Variants in AGO1 observed in about 807,000 individuals in gnomAD.
The protein encoded by AGO1 is protein argonaute-1.
Under a neutral mutation model 109.2 loss-of-function variants are expected in AGO1, and 11 were observed. That is an observed-to-expected ratio of 0.10 (90% CI 0.06 to 0.17). The LOEUF is 0.17. AGO1 is among the 10% of genes least tolerant of loss of function. The probability of loss-of-function intolerance (pLI) is 1.00; values close to 1 mark genes in which losing one functional copy is unlikely to be tolerated. For missense variants in AGO1, 574 were observed against 1,140.3 expected (o/e 0.50, Z 7.15); for synonymous variants, 422 against 418.6 (o/e 1.01, Z -0.10).
chr1:35,912,719 A>T (rs1005597161), intron 12 of AGO1, among the ~76,000 whole-genome samples: 1 of 150,810 alleles, frequency 6.6e-6, no homozygotes, highest in Admixed American at 6.6e-5. Context: ...GATTACAGGC[A>T]CATGCCACCA....
intron 12 of AGO1, among the ~76,000 whole-genome samples, chr1:35,911,062 T>A (rs1304790018): frequency 6.6e-6 from 1 of 150,888 alleles, no homozygotes; most frequent in East Asian, 1.9e-4. Flanking sequence ...GAAGACTCTG[T>A]CTCAAAAGAA....
At chr1:35,874,972 A>C (rs1218713969) in intron 1 of AGO1, among the ~76,000 whole-genome samples, 4 of 152,214 alleles carry the variant, frequency 2.6e-5, no homozygotes, top group Non-Finnish European at 5.9e-5. Context: ...ATAGAAGAAA[A>C]GTTTGAAGCT....
rs1360735202 is a variant in AGO1 at position 35,924,146 on chromosome 1, G to A, written c.*4539G>A. 1 of 152,756 alleles carries A rather than the reference G, an allele frequency of 6.5e-6. No individual in the cohort carries two copies. The highest frequency in any genetic ancestry group is 2.4e-5 in the African/African-American group (1 of 41,410). 9.5% of individuals were successfully genotyped at this position (152,756 alleles called of 1,614,324 possible). ...GTTTCCCTTTGAGATTTGTGTTTGTGTCCTGCTTTGAGCTGTACCTTGTCC... is the reference window on the plus strand; with the variant it reads ...GTTTCCCTTTGAGATTTGTGTTTGTATCCTGCTTTGAGCTGTACCTTGTCC... On this transcript the variant is annotated 3_prime_UTR_variant, in exon 19 of 19. Transcript: ENST00000373204.
intron 1 of AGO1, among the ~76,000 whole-genome samples, chr1:35,887,696 T>C (rs1645143842): frequency 1.3e-5 from 2 of 152,190 alleles, no homozygotes; most frequent in South Asian, 4.1e-4. Context: ...GTTGCTGCTT[T>C]GTTTCTTCCT....
intron 8 of AGO1, among the ~76,000 whole-genome samples, chr1:35,898,064 TC>T (rs2148713583): frequency 6.6e-6 from 1 of 152,336 alleles, no homozygotes; most frequent in East Asian, 1.9e-4. Flanking sequence ...AGGTTTATCC[TC>T]GTTCCATCAG....
At chr1:35,886,386 C>G (rs1185963793) in intron 1 of AGO1, among the ~76,000 whole-genome samples, 1 of 152,114 alleles carries the variant, frequency 6.6e-6, no homozygotes, top group Non-Finnish European at 1.5e-5. Context: ...GCTGTCTTTC[C>G]TAGTTTGGAG....
chr1:35,893,426 A>T lies in AGO1; in HGVS notation c.512+148A>T. 1 of 967,626 alleles carries T rather than the reference A, an allele frequency of 1.0e-6. No homozygotes were observed. Among genetic ancestry groups the T allele is most frequent in the East Asian group, 2.6e-5 (1 of 38,226 alleles). 59.9% of individuals were successfully genotyped at this position (967,626 alleles called of 1,614,324 possible). A position where few individuals can be genotyped will look rare whatever the true frequency, so the allele number is the denominator to read the frequency against. ...CCACTTGCCAGGCAAATGTGTATTT[A>T]TATTTAGATGGTTTAAAGCCCTGGC... On this transcript the variant is annotated intron_variant, in intron 4 of 18. Coordinates refer to ENST00000373204, the MANE Select transcript of AGO1 (RefSeq NM_012199.5). This position sits in a 1 kb window ranked among gnomAD's most constrained non-coding sequence, Gnocchi z 5.6.
At chr1:35,909,420 A>G (rs1645592036) in intron 12 of AGO1, among the ~76,000 whole-genome samples, 1 of 152,220 alleles carries the variant, frequency 6.6e-6, no homozygotes, top group Non-Finnish European at 1.5e-5. Context: ...AATCTAGCAC[A>G]GTGCCTGGCA....
intron 2 of AGO1, 41 bp from the exon 3 acceptor site, chr1:35,892,516 G>T (rs199987371): frequency 6.2e-7 from 1 of 1,614,042 alleles, no homozygotes; most frequent in South Asian, 1.1e-5. Context: ...TGAAGTGGTG[G>T]TAGTCTCTCA....
chr1:35,878,637 C>T (rs1057243471), upstream of AGO1, among the ~76,000 whole-genome samples: 18 of 152,124 alleles, frequency 1.2e-4, no homozygotes, highest in Admixed American at 6.5e-5. Context: ...CATTATTTTC[C>T]GTCCAGGAAC....
intron 11 of AGO1, among the ~76,000 whole-genome samples, chr1:35,904,609 C>A (rs1319092787): frequency 1.3e-5 from 2 of 152,114 alleles, no homozygotes; most frequent in African/African-American, 4.8e-5. Context: ...ACCAGTAAAC[C>A]CAGAAACTCA....
chr1:35,902,615 T>C (rs1450511057), intron 11 of AGO1, among the ~76,000 whole-genome samples: 1 of 152,226 alleles, frequency 6.6e-6, no homozygotes, highest in Non-Finnish European at 1.5e-5. Flanking sequence ...TCATTGGTAA[T>C]AAATAGTAGT....
intron 1 of AGO1, chr1:35,873,346 T>C (rs1221698510): frequency 6.5e-6 from 1 of 154,210 alleles, no homozygotes; most frequent in Admixed American, 6.5e-5. Flanking sequence ...GATTGCTTAC[T>C]CTAACACCTC....
chr1:35,915,773 T>C (rs532971772), intron 15 of AGO1, among the ~76,000 whole-genome samples: 3 of 152,346 alleles, frequency 2.0e-5, no homozygotes, highest in Admixed American at 2.0e-4. Flanking sequence ...AGTTGGTTCA[T>C]GTTGGAGACT....
chr1:35,884,091 C>CG (rs1645079199), intron 1 of AGO1, among the ~76,000 whole-genome samples: 2 of 151,250 alleles, frequency 1.3e-5, no homozygotes, highest in Non-Finnish European at 3.0e-5. Context: ...CTCTCCACAC[C>CG]CCCCCGCCCC....
Position 35,923,501 on chromosome 1 carries a change from G to A in AGO1, c.*3894G>A, listed in dbSNP as rs546362220. 2.6e-5 allele frequency: 4 copies of A among 152,746 alleles called. No individual in the cohort carries two copies. The highest frequency in any genetic ancestry group is 1.9e-4 in the East Asian group (1 of 5,178). The allele number at this position is 152,746 out of a possible 1,614,324, so 9.5% of individuals were successfully genotyped here. A position where few individuals can be genotyped will look rare whatever the true frequency, so the allele number is the denominator to read the frequency against. ...AGTTTTGGAAACTACATTGGGGGAC[G>A]TTATTTTTATTTATATATGGGGCCT... On this transcript the variant is annotated 3_prime_UTR_variant, in exon 19 of 19. Transcript: ENST00000373204.
At position 35,894,297 on chromosome 1, in the gene AGO1, G is replaced by A. The variant is rs201954308; in HGVS notation, c.785-18G>A. 1.7e-3 allele frequency: 2,761 copies of A among 1,613,784 alleles called. 12 individuals carry two copies. Among genetic ancestry groups the A allele is most frequent in the South Asian group, 7.8e-3 (709 of 91,050 alleles). On this transcript the variant is annotated intron_variant, in intron 6 of 18. Coordinates refer to ENST00000373204, the MANE Select transcript of AGO1 (RefSeq NM_012199.5). The stretch of plus-strand genomic sequence containing the variant: ...GAGCAACCTATTTTAGCCCTGACAA[G>A]CAGTGTGTGTATCTCAGGCCTGAAG...
At chr1:35,883,181 C>A, upstream of AGO1, 1 of 1,159,226 alleles carries the variant, frequency 8.6e-7, no homozygotes, top group African/African-American at 1.6e-5. This position sits in a 1 kb window ranked among gnomAD's most constrained non-coding sequence, Gnocchi z 5.4. Flanking sequence ...TCCGGTCCGC[C>A]CCCTGGGCCC....
chr1:35,870,316 C>G (rs1184717520), intron 1 of AGO1, among the ~76,000 whole-genome samples: 1 of 151,666 alleles, frequency 6.6e-6, no homozygotes. Flanking sequence ...CGGAGTCTCA[C>G]TCTGTCGCCC....
Sources: allele counts gnomAD v4.1 joint callset (sites outside exome capture counted in the v4.1 genomes callset), GRCh38; gene constraint gnomAD v4.1.1; non-coding constraint Gnocchi (gnomAD v3.1); transcripts MANE v1.5; gene names NCBI Gene and HGNC (gene_info 2026-07-23, HGNC 2026-07-21).